IL1RAPL1: variants seen among roughly 807,000 people sequenced by gnomAD.
IL1RAPL1 encodes the protein interleukin-1 receptor accessory protein-like 1.
In IL1RAPL1, 3 loss-of-function variants were observed where a neutral mutation model predicts 48.4. The ratio of observed to expected loss-of-function variants is 0.06; its 90% CI spans 0.03 to 0.16. IL1RAPL1 has a LOEUF of 0.16. Among genes scored for constraint, IL1RAPL1 ranks in the 10% least tolerant of loss-of-function variants. IL1RAPL1 has a pLI of 1.00. For missense variants in IL1RAPL1, 349 were observed against 530.6 expected, an observed-to-expected ratio of 0.66 and a Z score of 3.36; for synonymous variants, 185 against 187.7, an observed-to-expected ratio of 0.99 and a Z score of 0.12.
At chrX:29,089,595 C>T (rs73210036) in intron 2 of IL1RAPL1, among the ~76,000 whole-genome samples, 1,445 of 100,654 alleles carry the variant, frequency 0.014, 14 homozygotes, top group Non-Finnish European at 0.02. Flanking sequence ...TTTTGTGATT[C>T]CTCTTCAATC....
At chrX:28,788,791 A>G (rs777029878) in intron 1 of IL1RAPL1, among the ~76,000 whole-genome samples, 2 of 111,057 alleles carry the variant, frequency 1.8e-5, no homozygotes, top group Admixed American at 9.7e-5. Flanking sequence ...TTTTAATAAA[A>G]ACAAAAGTCT....
intron 3 of IL1RAPL1, among the ~76,000 whole-genome samples, chrX:29,392,028 G>A (rs1008389057): frequency 1.6e-4 from 18 of 111,985 alleles, no homozygotes; most frequent in Non-Finnish European, 9.4e-5. Context: ...ACCCTTGCCA[G>A]AGACAACTAG....
chrX:29,471,891 A>G (rs1169989903), intron 5 of IL1RAPL1, among the ~76,000 whole-genome samples: 6 of 111,726 alleles, frequency 5.4e-5, no homozygotes, highest in Middle Eastern at 4.6e-3. Context: ...ATTACCTTTT[A>G]TAGATGAATA....
intron 6 of IL1RAPL1, among the ~76,000 whole-genome samples, chrX:29,862,397 A>G (rs1011822104): frequency 9.0e-6 from 1 of 111,625 alleles, no homozygotes; most frequent in Non-Finnish European, 1.9e-5. Flanking sequence ...GGAAAGCTGC[A>G]GTTGGTTATA....
chrX:29,740,665 C>T (rs1928174626), intron 6 of IL1RAPL1, among the ~76,000 whole-genome samples: 1 of 111,897 alleles, frequency 8.9e-6, no homozygotes, highest in African/African-American at 3.3e-5. Context: ...CAAGTCTTCT[C>T]CCCCAGCTCT....
intron 8 of IL1RAPL1, among the ~76,000 whole-genome samples, chrX:29,940,608 C>T (rs1025913330): frequency 1.8e-5 from 2 of 111,861 alleles, no homozygotes; most frequent in African/African-American, 3.2e-5. Context: ...TTACCGACAA[C>T]GCTTAAAGTG....
At chrX:28,679,080 C>T (rs1424390913) in intron 1 of IL1RAPL1, among the ~76,000 whole-genome samples, 1 of 111,902 alleles carries the variant, frequency 8.9e-6, no homozygotes, top group East Asian at 2.8e-4. Context: ...CCCTTTTCTC[C>T]ACATCCTCTC....
intron 6 of IL1RAPL1, among the ~76,000 whole-genome samples, chrX:29,817,959 C>T (rs1258389048): frequency 9.0e-6 from 1 of 111,529 alleles, no homozygotes; most frequent in Non-Finnish European, 1.9e-5. Context: ...AAGGAGATGT[C>T]CCTGTAGTCC....
chrX:29,421,189 A>G lies in IL1RAPL1; in HGVS notation c.703+21881A>G, dbSNP rs149384162. On this transcript the variant is annotated intron_variant, in intron 5 of 10. Transcript: ENST00000378993. ...ACCAGGTTCTTGTCACATGACCAGGAAAGATTAGGTTCCTAGACACAGTAG... is the reference window on the plus strand; with the variant it reads ...ACCAGGTTCTTGTCACATGACCAGGGAAGATTAGGTTCCTAGACACAGTAG... Among the ~76,000 whole-genome samples the G allele has an allele frequency of 3.0e-3, 341 of 112,087 alleles. 1 individual carries two copies. Among genetic ancestry groups the G allele is most frequent in the African/African-American group, 0.01 (323 of 30,862 alleles).
At chrX:28,882,061 A>G in intron 2 of IL1RAPL1, among the ~76,000 whole-genome samples, 1 of 109,350 alleles carries the variant, frequency 9.1e-6, no homozygotes, top group East Asian at 2.9e-4. Context: ...AGAAACCCCA[A>G]AAGATCCACA....
intron 2 of IL1RAPL1, among the ~76,000 whole-genome samples, chrX:28,894,022 G>T (rs761278148): frequency 2.0e-4 from 22 of 111,988 alleles, no homozygotes; most frequent in Admixed American, 3.8e-4. Context: ...GGGATCTGAC[G>T]CCTTTTGTTG....
chrX:29,321,215 C>G (rs924388896), intron 3 of IL1RAPL1, among the ~76,000 whole-genome samples: 1 of 111,737 alleles, frequency 8.9e-6, no homozygotes, highest in Admixed American at 9.5e-5. Flanking sequence ...TGTGCAGTTG[C>G]TGACACAAAA....
intron 2 of IL1RAPL1, among the ~76,000 whole-genome samples, chrX:28,799,708 C>T (rs908082230): frequency 8.9e-6 from 1 of 111,850 alleles, no homozygotes. Context: ...TTTACATATA[C>T]TGAGGGCCTG....
intron 3 of IL1RAPL1, among the ~76,000 whole-genome samples, chrX:29,336,341 GTGTGTGTA>G (rs1932997177): frequency 2.7e-5 from 1 of 37,397 alleles, no homozygotes; most frequent in African/African-American, 8.2e-5. Context: ...GTGTGTGTGT[GTGTGTGTA>G]TATCTATGTA....
At chrX:28,678,113 T>C (rs1935019134) in intron 1 of IL1RAPL1, among the ~76,000 whole-genome samples, 2 of 111,944 alleles carry the variant, frequency 1.8e-5, no homozygotes, top group African/African-American at 3.3e-5. Context: ...GCCAGGCTTC[T>C]GCCTCAAATA....
chrX:29,225,301 C>T (rs1160673484), intron 2 of IL1RAPL1, among the ~76,000 whole-genome samples: 1 of 111,962 alleles, frequency 8.9e-6, no homozygotes. Context: ...GTTAGACATC[C>T]GTGCTTATCT....
intron 2 of IL1RAPL1, among the ~76,000 whole-genome samples, chrX:29,129,916 GC>G (rs1319243778): frequency 1.8e-5 from 2 of 111,286 alleles, no homozygotes; most frequent in Non-Finnish European, 3.8e-5. Flanking sequence ...TTTTTACATA[GC>G]CAATGTTTGC....
chrX:28,820,233 AC>A (rs1214777482), intron 2 of IL1RAPL1, among the ~76,000 whole-genome samples: 1 of 108,452 alleles, frequency 9.2e-6, no homozygotes, highest in Non-Finnish European at 1.9e-5. Flanking sequence ...CCACTGTGGA[AC>A]CAGTGGGTTT....
At chrX:28,886,185 A>T (rs1271879031) in intron 2 of IL1RAPL1, among the ~76,000 whole-genome samples, 1 of 109,931 alleles carries the variant, frequency 9.1e-6, no homozygotes, top group African/African-American at 3.3e-5. Flanking sequence ...AACTTTGTCT[A>T]AATTCTTCAA....
Sources: gnomAD v4.1 joint callset for allele counts (sites outside exome capture counted in the v4.1 genomes callset) on GRCh38, gnomAD v4.1.1 for gene constraint, MANE v1.5 for transcripts, NCBI Gene and HGNC (gene_info 2026-07-23, HGNC 2026-07-21) for gene names.